Variants in CACNA1D observed in about 807,000 individuals in gnomAD.
The protein encoded by CACNA1D is voltage-dependent L-type calcium channel subunit alpha-1D.
CACNA1D carries 55 observed loss-of-function variants against 257.1 expected under a neutral mutation model. The ratio of observed to expected loss-of-function variants is 0.21; its 90% CI spans 0.17 to 0.27. The LOEUF (loss-of-function observed/expected upper bound fraction) is 0.27, where lower values mean the gene tolerates loss of function less well. Ranked by LOEUF, CACNA1D falls within the 10% of genes least tolerant of loss-of-function variation. CACNA1D has a pLI of 1.00. For synonymous variants in CACNA1D, 980 were observed against 1,014.9 expected (o/e 0.97, Z 0.65); for missense variants, 1,876 against 2,784.0 (o/e 0.67, Z 7.34).
intron 3 of CACNA1D, among the ~76,000 whole-genome samples, chr3:53,622,553 T>C (rs958478212): frequency 6.6e-6 from 1 of 152,090 alleles, no homozygotes; most frequent in Non-Finnish European, 1.5e-5. Flanking sequence ...TTCTCACTTA[T>C]AAGTGGGAGC....
intron 3 of CACNA1D, among the ~76,000 whole-genome samples, chr3:53,550,830 C>A (rs2092517198): frequency 6.6e-6 from 1 of 152,070 alleles, no homozygotes; most frequent in South Asian, 2.1e-4. Flanking sequence ...AAAAGAGAGA[C>A]CCAGAATTGT....
At chr3:53,536,356 T>A (rs1417005895) in intron 3 of CACNA1D, among the ~76,000 whole-genome samples, 1 of 150,590 alleles carries the variant, frequency 6.6e-6, no homozygotes, top group Non-Finnish European at 1.5e-5. Flanking sequence ...ACCATTTACT[T>A]TTTTTTTTAA....
chr3:53,511,207 C>T (rs763284126), intron 3 of CACNA1D, among the ~76,000 whole-genome samples: 1 of 152,134 alleles, frequency 6.6e-6, no homozygotes, highest in African/African-American at 2.4e-5. Context: ...TTCTTATTTC[C>T]GAAATCTCTG....
chr3:53,719,037 G>C (rs866195851), intron 10 of CACNA1D, among the ~76,000 whole-genome samples: 16 of 152,114 alleles, frequency 1.1e-4, no homozygotes, highest in Admixed American at 6.5e-4. Context: ...GGGGGGCTGG[G>C]GGGGACCAGC....
intron 3 of CACNA1D, among the ~76,000 whole-genome samples, chr3:53,508,883 G>A (rs1425301915): frequency 1.3e-5 from 2 of 152,156 alleles, no homozygotes; most frequent in African/African-American, 4.8e-5. Flanking sequence ...GAGGTGGGGT[G>A]TACAGGGAGG....
In CACNA1D at chr3:53,736,869, CAG is replaced by C. The variant is rs1483025382; in HGVS notation, c.2751+1369_2751+1370del. 4.1e-5 allele frequency among the ~76,000 whole-genome samples: 6 copies of C among 146,048 alleles called. No individual in the cohort carries two copies. The East Asian group carries it at 8.0e-4, about 20-fold the overall frequency. On this transcript the variant is annotated intron_variant, in intron 20 of 47. Transcript: ENST00000350061. ...CACCACTGTATTCCAGCCTGGGTGACAGAGCAAGACCCTGTCTCTAAAAAAAA... is the reference window on the plus strand; with the variant it reads ...CACCACTGTATTCCAGCCTGGGTGACAGCAAGACCCTGTCTCTAAAAAAAA...
At chr3:53,754,821 T>C (rs180842291) in intron 29 of CACNA1D, among the ~76,000 whole-genome samples, 1 of 152,360 alleles carries the variant, frequency 6.6e-6, no homozygotes, top group Admixed American at 6.5e-5. Flanking sequence ...GATTATGAAA[T>C]GGATGGTTTC....
Position 53,722,340 on chromosome 3 carries a change from T to C in CACNA1D, c.1532T>C (p.Phe511Ser). Reference sequence around the variant, plus strand: ...CGACGCTGGCGTCGCTGGAACCGATTCAATCGCAGAAGATGTAGGGCCGCC... The same window carrying C: ...CGACGCTGGCGTCGCTGGAACCGATCCAATCGCAGAAGATGTAGGGCCGCC... The part of the protein sequence containing the change: ...LSRRWRRWNR[F>S]NRRRCRAAVK... The change falls in exon 12 of 48, where the codon TTC becomes TCC. Residue 511 changes from phenylalanine to serine, a missense_variant. This residue lies in a region of CACNA1D where 257 missense variants were observed against 399.7 expected (regional missense o/e 0.64). Transcript: ENST00000350061. 2 of 1,614,246 alleles carry C rather than the reference T, an allele frequency of 1.2e-6. No individual in the cohort carries two copies. Among genetic ancestry groups the C allele is most frequent in the Non-Finnish European group, 1.7e-6 (2 of 1,180,048 alleles).
chr3:53,731,754 G>A (rs2094995095), intron 17 of CACNA1D, among the ~76,000 whole-genome samples: 1 of 152,228 alleles, frequency 6.6e-6, no homozygotes, highest in African/African-American at 2.4e-5. Flanking sequence ...GAATGTGCTG[G>A]CACAGGGCAA....
chr3:53,686,240 A>G (rs1440971557), intron 8 of CACNA1D, among the ~76,000 whole-genome samples: 1 of 152,122 alleles, frequency 6.6e-6, no homozygotes, highest in African/African-American at 2.4e-5. Context: ...CTTCTCTCAA[A>G]GAAAATTAGA....
chr3:53,693,156 A>C (rs763969398), intron 8 of CACNA1D, among the ~76,000 whole-genome samples: 7 of 152,216 alleles, frequency 4.6e-5, no homozygotes, highest in Non-Finnish European at 8.8e-5. Flanking sequence ...AGCGGTTCCC[A>C]TGCATTTCTT....
intron 3 of CACNA1D, among the ~76,000 whole-genome samples, chr3:53,643,217 A>C (rs1228022033): frequency 6.6e-6 from 1 of 152,108 alleles, no homozygotes; most frequent in African/African-American, 2.4e-5. Context: ...TGTGGTGTTA[A>C]ATTACCCATT....
intron 29 of CACNA1D, among the ~76,000 whole-genome samples, chr3:53,758,431 A>G (rs2095279899): frequency 6.6e-6 from 1 of 152,126 alleles, no homozygotes; most frequent in African/African-American, 2.4e-5. Context: ...CTTGTTTCCC[A>G]TTTGCAACCG....
At chr3:53,538,563 G>T (rs947978567) in intron 3 of CACNA1D, among the ~76,000 whole-genome samples, 1 of 152,192 alleles carries the variant, frequency 6.6e-6, no homozygotes, top group African/African-American at 2.4e-5. Context: ...CATATTTACT[G>T]TGTTCTGCTG....
intron 3 of CACNA1D, among the ~76,000 whole-genome samples, chr3:53,551,690 C>T (rs2092538447): frequency 6.6e-6 from 1 of 152,236 alleles, no homozygotes. Flanking sequence ...AGAACCTTCA[C>T]TGGCTCTCTT....
chr3:53,805,321 C>A (rs2095556875), intron 45 of CACNA1D, 175 bp downstream of exon 45: 6 of 646,354 alleles, frequency 9.3e-6, no homozygotes, highest in South Asian at 5.4e-5. Flanking sequence ...TCATCCATAT[C>A]TCACGTGATA....
At chr3:53,536,803 A>G (rs2092127251) in intron 3 of CACNA1D, among the ~76,000 whole-genome samples, 1 of 152,236 alleles carries the variant, frequency 6.6e-6, no homozygotes, top group Non-Finnish European at 1.5e-5. Context: ...TCCTGCTACA[A>G]TGGCAGAAAT....
At chr3:53,776,790 T>C (rs1017463766) in intron 36 of CACNA1D, 60 bp downstream of exon 36, 8 of 1,613,924 alleles carry the variant, frequency 5.0e-6, no homozygotes, top group Admixed American at 3.3e-5. Flanking sequence ...TCAGCTTTTT[T>C]TGTGGAGTGG....
At chr3:53,536,708 C>A (rs1391992408) in intron 3 of CACNA1D, among the ~76,000 whole-genome samples, 1 of 152,184 alleles carries the variant, frequency 6.6e-6, no homozygotes, top group Non-Finnish European at 1.5e-5. Context: ...AAAAATGGTA[C>A]AAAATTCACA....
Sources: gnomAD v4.1 joint callset for allele counts (sites outside exome capture counted in the v4.1 genomes callset) on GRCh38, gnomAD v4.1.1 for gene constraint, gnomAD v4.1.1 regional missense constraint, MANE v1.5 for transcripts, NCBI Gene and HGNC (gene_info 2026-07-23, HGNC 2026-07-21) for gene names.